The following ZNF331 variants were observed in gnomAD, a reference collection of about 807,000 sequenced individuals.
ZNF331 encodes the protein zinc finger protein 331, also known as C2H2-like zinc finger protein rearranged in thyroid adenomas.
ZNF331 carries 2 observed loss-of-function variants against 7.0 expected under a neutral mutation model. The ratio of observed to expected loss-of-function variants is 0.29; its 90% confidence interval spans 0.12 to 0.90. The LOEUF (loss-of-function observed/expected upper bound fraction) is 0.90. Ranked by LOEUF, ZNF331 falls within the 40% of genes least tolerant of loss-of-function variation. The pLI, the probability that ZNF331 is intolerant of heterozygous loss-of-function variation, is 0.58. For synonymous variants in ZNF331, 196 were observed against 205.4 expected, an observed-to-expected ratio of 0.95 and a Z score of 0.39; for missense variants, 432 against 587.7, an observed-to-expected ratio of 0.74 and a Z score of 2.74.
the ZNF331 span, chr19:53,511,946 C>G: frequency 1.3e-5 from 2 of 152,170 alleles, no homozygotes; most frequent in African/African-American, 4.8e-5. Flanking sequence ...AGTTATTTTC[C>G]TATTTTCCTT....
In ZNF331 at chr19:53,557,920, C is replaced by A. The variant is rs147135093; in HGVS notation, c.-74+2012C>A. On this transcript the variant is annotated intron_variant, in intron 3 of 5. Coordinates refer to ENST00000449416, the MANE Select transcript of ZNF331 (RefSeq NM_001079906.2). ...CTGTGAACCTGTGATGAGCTGAGAT[C>A]ACGCCACCACACTCCAGCCTAGGTG... Among the ~76,000 whole-genome samples, 171 of 152,256 alleles carry A rather than the reference C, an allele frequency of 1.1e-3. 1 individual carries two copies. The highest frequency in any genetic ancestry group is 2.0e-3 in the Admixed American group (31 of 15,286).
Position 53,579,402 on chromosome 19 carries a change from T to G in ZNF331, c.*1450T>G, listed in dbSNP as rs887127682. 8 of 149,530 alleles carry G rather than the reference T, an allele frequency of 5.4e-5. No homozygotes were observed. The highest frequency in any genetic ancestry group is 1.0e-4 in the Non-Finnish European group (7 of 70,176). 9.3% of individuals were successfully genotyped at this position (149,530 alleles called of 1,614,324 possible). A position where few individuals can be genotyped will look rare whatever the true frequency, so the allele number is the denominator to read the frequency against. ...CACTGGGCCAAAGGCTCACTACCCC[T>G]GTGCGTTGTCCAGCACACAGACACT... On this transcript the variant is annotated 3_prime_UTR_variant, in exon 6 of 6. Coordinates refer to ENST00000449416, the MANE Select transcript of ZNF331 (RefSeq NM_001079906.2).
At chr19:53,529,937 A>G (rs2087466590) in intron 2 of ZNF331, among the ~76,000 whole-genome samples, 1 of 152,116 alleles carries the variant, frequency 6.6e-6, no homozygotes, top group East Asian at 1.9e-4. Flanking sequence ...CCGCTCGGGT[A>G]GGCCATTCTT....
At chr19:53,570,621 C>A (rs1045230011) in intron 4 of ZNF331, among the ~76,000 whole-genome samples, 1 of 151,866 alleles carries the variant, frequency 6.6e-6, no homozygotes, top group South Asian at 2.1e-4. Flanking sequence ...CAACCTCTGC[C>A]TCGCGGGTTC....
rs2090328850 is a variant in ZNF331 at position 53,569,384 on chromosome 19, A to G, written c.8A>G (p.Gln3Arg). ...TTCTTCAGTTCTAAAACAATGGCCCAGGTAAGTGTATATTTCTCTTTCCTT... is the reference window on the plus strand; with the variant it reads ...TTCTTCAGTTCTAAAACAATGGCCCGGGTAAGTGTATATTTCTCTTTCCTT... MA[Q>R]GLVTFADVAI... The change falls in exon 4 of 6, where the codon CAG becomes CGG. Residue 3 changes from glutamine to arginine, a missense_variant and splice_region_variant. Physicochemically the swap from Gln to Arg is conservative, Grantham distance 43. This residue lies in a region of ZNF331 where 39 missense variants were observed against 68.8 expected (regional missense o/e 0.57). Transcript: ENST00000449416. The G allele has an allele frequency of 6.2e-7, 1 of 1,613,872 alleles. No individual in the cohort carries two copies. Among genetic ancestry groups the G allele is most frequent in the Admixed American group, 1.7e-5 (1 of 59,990 alleles).
intron 4 of ZNF331, among the ~76,000 whole-genome samples, chr19:53,570,952 G>A (rs1428320914): frequency 2.0e-5 from 3 of 150,272 alleles, no homozygotes; most frequent in South Asian, 2.1e-4. Flanking sequence ...TGACCACCCC[G>A]GGTTCATGCC....
At position 53,546,140 on chromosome 19, in the gene ZNF331, G is replaced by GAAAAAAA. The variant is rs527391326; in HGVS notation, c.-138+6873_-138+6879dup. On this transcript the variant is annotated intron_variant, in intron 2 of 5. Transcript: ENST00000449416. The stretch of plus-strand genomic sequence containing the variant: ...CCTTCAGAAAAAGCATCCTGAGGGG[G>GAAAAAAA]AAAAAAAAAAAAAAAAAAAAATTAT... Among the ~76,000 whole-genome samples, 136 of 113,476 alleles carry GAAAAAAA rather than the reference G, an allele frequency of 1.2e-3. 3 individuals carry two copies. Among genetic ancestry groups the GAAAAAAA allele is most frequent in the African/African-American group, 1.7e-3 (60 of 34,380 alleles). 74.4% of individuals were successfully genotyped at this position (113,476 alleles called of 152,430 possible).
chr19:53,513,185 G>A, the ZNF331 span, among the ~76,000 whole-genome samples: 1 of 151,678 alleles, frequency 6.6e-6, no homozygotes, highest in South Asian at 2.1e-4. Flanking sequence ...AAATCTGTCT[G>A]TCTGTCTCAC....
At chr19:53,550,450 C>T (rs1018396584) in intron 2 of ZNF331, among the ~76,000 whole-genome samples, 1 of 148,242 alleles carries the variant, frequency 6.7e-6, no homozygotes, top group Non-Finnish European at 1.5e-5. Flanking sequence ...AATATATCAT[C>T]TTGACTGATG....
intron 2 of ZNF331, among the ~76,000 whole-genome samples, chr19:53,527,721 G>A (rs1344649460): frequency 6.6e-6 from 1 of 152,154 alleles, no homozygotes; most frequent in East Asian, 1.9e-4. Context: ...CCAGCCATGG[G>A]TCACATTACA....
At chr19:53,532,889 G>A (rs2087596178) in intron 2 of ZNF331, among the ~76,000 whole-genome samples, 1 of 151,950 alleles carries the variant, frequency 6.6e-6, no homozygotes, top group East Asian at 1.9e-4. Context: ...TGATTTTATT[G>A]ATTTTTGAGT....
Position 53,577,655 on chromosome 19 carries a change from T to C in ZNF331, c.1095T>C (p.Asn365=), listed in dbSNP as rs1017211736. 3.7e-6 allele frequency: 6 copies of C among 1,614,034 alleles called. No homozygotes were observed. The highest frequency in any genetic ancestry group is 2.2e-5 in the South Asian group (2 of 91,076). The change falls in exon 6 of 6, where the codon AAT becomes AAC. Residue 365 remains asparagine (N), a synonymous_variant. Coordinates refer to ENST00000449416, the MANE Select transcript of ZNF331 (RefSeq NM_001079906.2). The stretch of plus-strand genomic sequence containing the variant: ...GCACAGAATGTGGGAAGGCCTTCAA[T>C]TGTGGCTATCACCTCACTCAGCACG... ...YKCTECGKAF[N]CGYHLTQHER...
chr19:53,578,982 G>C lies in ZNF331; in HGVS notation c.*1030G>C. On this transcript the variant is annotated 3_prime_UTR_variant, in exon 6 of 6. Coordinates refer to ENST00000449416, the MANE Select transcript of ZNF331 (RefSeq NM_001079906.2). ...CACCTGGCTAATTTTTGTATTTTTA[G>C]TAGAGACAGTTTTCACCATGTTGTC... The C allele has an allele frequency of 5.6e-6, 1 of 179,938 alleles. No individual in the cohort carries two copies. Among genetic ancestry groups the C allele is most frequent in the Non-Finnish European group, 1.2e-5 (1 of 84,140 alleles). The allele number at this position is 179,938 out of a possible 1,614,324, so 11.1% of individuals were successfully genotyped here.
chr19:53,549,204 C>T (rs1341897440), intron 2 of ZNF331, among the ~76,000 whole-genome samples: 1 of 152,060 alleles, frequency 6.6e-6, no homozygotes, highest in Non-Finnish European at 1.5e-5. Context: ...TCGTCCTTTC[C>T]CCATTGTGTG....
At chr19:53,555,680 C>T (rs540469548) in intron 2 of ZNF331, 165 bp from the exon 3 acceptor site, 1 of 152,280 alleles carries the variant, frequency 6.6e-6, no homozygotes, top group East Asian at 1.9e-4. Flanking sequence ...AGGGACACGT[C>T]CCTGATGTGG....
At position 53,577,470 on chromosome 19, in the gene ZNF331, T is replaced by C; in HGVS notation, c.910T>C (p.Cys304Arg). The change falls in exon 6 of 6, where the codon TGT becomes CGT. Residue 304 changes from cysteine to arginine, a missense_variant. Physicochemically the swap from Cys to Arg is radical, Grantham distance 180. Coordinates refer to ENST00000449416, the MANE Select transcript of ZNF331 (RefSeq NM_001079906.2). ...TGEKPYECQE[C>R]GKAFTRVNYL... ...TGAGAAACCCTATGAATGTCAAGAA[T>C]GTGGGAAGGCCTTTACTCGAGTCAA... 1 of 1,614,194 alleles carries C rather than the reference T, an allele frequency of 6.2e-7. No homozygotes were observed. The highest frequency in any genetic ancestry group is 8.5e-7 in the Non-Finnish European group (1 of 1,180,056).
rs1330360689 is a variant in ZNF331 at position 53,560,437 on chromosome 19, GAC to G, written c.-74+4533_-74+4534del. On this transcript the variant is annotated intron_variant, in intron 3 of 5. Transcript: ENST00000449416. The surrounding 1 kb of genome is among the most constrained non-coding windows in gnomAD (Gnocchi z 4.3). ...TCACAAGGTCTGATTGTATTACTGA[GAC>G]ACAGTGAAAGGATGTTCCATAACAG... Among the ~76,000 whole-genome samples, 1 of 152,046 alleles carries G rather than the reference GAC, an allele frequency of 6.6e-6. No individual in the cohort carries two copies. Among genetic ancestry groups the G allele is most frequent in the Non-Finnish European group, 1.5e-5 (1 of 68,002 alleles).
At chr19:53,565,742 T>A (rs2090122362) in intron 3 of ZNF331, among the ~76,000 whole-genome samples, 1 of 152,010 alleles carries the variant, frequency 6.6e-6, no homozygotes, top group Non-Finnish European at 1.5e-5. Flanking sequence ...TTGGCCAGGC[T>A]GGTCTCAAAC....
chr19:53,527,080 C>T (rs1262514159), intron 2 of ZNF331, among the ~76,000 whole-genome samples: 8 of 151,734 alleles, frequency 5.3e-5, no homozygotes, highest in African/African-American at 1.9e-4. Flanking sequence ...TCCCAGCTAC[C>T]CAGGAGGCTG....
Sources: allele counts gnomAD v4.1 joint callset (sites outside exome capture counted in the v4.1 genomes callset), GRCh38; gene constraint gnomAD v4.1.1; regional missense constraint gnomAD v4.1.1; non-coding constraint Gnocchi (gnomAD v3.1); transcripts MANE v1.5; gene names NCBI Gene and HGNC (gene_info 2026-07-23, HGNC 2026-07-21).